The following ZFPM1 variants were observed in gnomAD, a reference collection of about 807,000 sequenced individuals.
The protein encoded by ZFPM1 is zinc finger protein, FOG family member 1.
ZFPM1 carries 28 observed loss-of-function variants against 46.3 expected under a neutral mutation model. The observed-to-expected ratio is 0.60, with a 90% confidence interval of 0.45 to 0.83. ZFPM1 has a LOEUF of 0.83. Among genes scored for constraint, ZFPM1 ranks in the 40% least tolerant of loss-of-function variants. The pLI is 0.00. For synonymous variants in ZFPM1, 957 were observed against 675.9 expected, an observed-to-expected ratio of 1.42 and a Z score of -6.45; for missense variants, 1,878 against 1,432.4, an observed-to-expected ratio of 1.31 and a Z score of -5.02.
chr16:88,479,421 C>T (rs182538815), intron 1 of ZFPM1, among the ~76,000 whole-genome samples: 8 of 152,176 alleles, frequency 5.3e-5, no homozygotes, highest in Non-Finnish European at 1.2e-4. Context: ...AGACTCAACT[C>T]GGGTCAGCCT....
At chr16:88,488,350 C>T (rs368631425) in intron 2 of ZFPM1, among the ~76,000 whole-genome samples, 52 of 152,306 alleles carry the variant, frequency 3.4e-4, no homozygotes, top group African/African-American at 1.0e-3. Context: ...CACCTGGCAC[C>T]GCCCGTAGTG....
At chr16:88,503,760 C>T (rs554369502) in intron 3 of ZFPM1, among the ~76,000 whole-genome samples, 4 of 152,310 alleles carry the variant, frequency 2.6e-5, no homozygotes, top group African/African-American at 7.2e-5. Context: ...TCACATGGGG[C>T]TGGGCTCACC....
intron 4 of ZFPM1, among the ~76,000 whole-genome samples, chr16:88,524,537 A>G (rs1912163405): frequency 6.6e-6 from 1 of 152,166 alleles, no homozygotes; most frequent in Admixed American, 6.5e-5. Flanking sequence ...GACACTCAGC[A>G]TGTGCTGCCC....
intron 3 of ZFPM1, among the ~76,000 whole-genome samples, chr16:88,506,785 G>A (rs1239484399): frequency 2.6e-5 from 4 of 152,214 alleles, no homozygotes; most frequent in Non-Finnish European, 5.9e-5. Context: ...GGAGGAGGCA[G>A]GGTGGGAGCC....
At chr16:88,503,037 G>A (rs916609413) in intron 3 of ZFPM1, among the ~76,000 whole-genome samples, 1 of 152,384 alleles carries the variant, frequency 6.6e-6, no homozygotes, top group Admixed American at 6.5e-5. Context: ...GGTGGGAGGT[G>A]GCAGGGGCGC....
At position 88,533,500 on chromosome 16, in the gene ZFPM1, G is replaced by A; in HGVS notation, c.1542G>A (p.Val514=). ...GCCCCACGCCGGGCTCCAGCCCGGT[G>A]CCCGGCGAGCTGGGCCTGGCCGGGG... ...LSSPTPGSSP[V]PGELGLAGAL... The change falls in exon 10 of 10, where the codon GTG becomes GTA. Residue 514 remains valine (V), a synonymous_variant. Coordinates refer to ENST00000319555, the MANE Select transcript of ZFPM1 (RefSeq NM_153813.3). 1 of 1,403,338 alleles carries A rather than the reference G, an allele frequency of 7.1e-7. No individual in the cohort carries two copies. The highest frequency in any genetic ancestry group is 3.3e-5 in the Admixed American group (1 of 30,332). The allele number at this position is 1,403,338 out of a possible 1,614,324, so 86.9% of individuals were successfully genotyped here. A position where few individuals can be genotyped will look rare whatever the true frequency, so the allele number is the denominator to read the frequency against.
intron 3 of ZFPM1, among the ~76,000 whole-genome samples, chr16:88,499,883 C>T (rs1411483553): frequency 6.6e-6 from 1 of 152,158 alleles, no homozygotes; most frequent in African/African-American, 2.4e-5. Context: ...GGCCCCTCCT[C>T]GGCCCCATGC....
In ZFPM1 at chr16:88,471,416, G is replaced by A. The variant is rs538452205; in HGVS notation, c.41-14523G>A. 8.6e-5 allele frequency among the ~76,000 whole-genome samples: 13 copies of A among 151,014 alleles called. No homozygotes were observed. In the East Asian group the frequency reaches 2.1e-3, roughly 25 times the overall value. The stretch of plus-strand genomic sequence containing the variant: ...GCCCACAGTGGCTCCCACGCATAGT[G>A]GGGGGGCCAAGACCCCAAGATGACC... On this transcript the variant is annotated intron_variant, in intron 1 of 9. Coordinates refer to ENST00000319555, the MANE Select transcript of ZFPM1 (RefSeq NM_153813.3). The surrounding 1 kb of genome is among the most constrained non-coding windows in gnomAD (Gnocchi z 4.1).
At chr16:88,488,094 C>T (rs147187489) in intron 2 of ZFPM1, among the ~76,000 whole-genome samples, 124 of 152,302 alleles carry the variant, frequency 8.1e-4, no homozygotes, top group Admixed American at 1.4e-3. Flanking sequence ...GGAGAGAGCA[C>T]GTGTAGCACA....
chr16:88,461,233 C>CGAGGGG (rs1567525906), intron 1 of ZFPM1, among the ~76,000 whole-genome samples: 5 of 114,864 alleles, frequency 4.4e-5, no homozygotes, highest in South Asian at 2.9e-4. Context: ...TGGTGAGGAC[C>CGAGGGG]CAGGGGTGGG....
rs979245953 is a variant in ZFPM1 at position 88,493,073 on chromosome 16, C to T, written c.268+3920C>T. 1.5e-3 allele frequency among the ~76,000 whole-genome samples: 213 copies of T among 146,868 alleles called. 1 individual carries two copies. In the Middle Eastern group the frequency reaches 0.023, roughly 16 times the overall value. ...TATCCCGGGGTGCGGAGAGCTGTCC[C>T]GGGGTGCGGGGAGCTGTCCCGGGGT... On this transcript the variant is annotated intron_variant, in intron 3 of 9. Coordinates refer to ENST00000319555, the MANE Select transcript of ZFPM1 (RefSeq NM_153813.3).
Position 88,532,211 on chromosome 16 carries a change from G to A in ZFPM1, c.922G>A (p.Glu308Lys). The A allele has an allele frequency of 1.2e-6, 2 of 1,607,612 alleles. No homozygotes were observed. Among genetic ancestry groups the A allele is most frequent in the Non-Finnish European group, 1.7e-6 (2 of 1,176,240 alleles). Residue 308 changes from glutamate to lysine, a missense_variant, in exon 7 of 10, where the codon GAG becomes AAG. Coordinates refer to ENST00000319555, the MANE Select transcript of ZFPM1 (RefSeq NM_153813.3). Reference sequence around the variant, plus strand: ...GAGCTGCCCCAGCGCCAGCTCCCTGGAGATCCACATGCGCAGCCACAGCGG... The same window carrying A: ...GAGCTGCCCCAGCGCCAGCTCCCTGAAGATCCACATGCGCAGCCACAGCGG... ...RKSCPSASSL[E>K]IHMRSHSGER... is the part of the protein sequence containing the mutation.
chr16:88,488,693 C>T (rs1383468632), intron 2 of ZFPM1, among the ~76,000 whole-genome samples: 1 of 152,170 alleles, frequency 6.6e-6, no homozygotes, highest in Non-Finnish European at 1.5e-5. Flanking sequence ...TGGAGGGGCC[C>T]CCAGCTGCCA....
intron 2 of ZFPM1, among the ~76,000 whole-genome samples, chr16:88,488,369 G>T (rs1188309206): frequency 2.0e-5 from 3 of 152,252 alleles, no homozygotes; most frequent in Admixed American, 6.5e-5. Context: ...TGATAGCGTG[G>T]CGATGGGCGC....
chr16:88,462,759 T>A (rs1249901643), intron 1 of ZFPM1, among the ~76,000 whole-genome samples: 1 of 152,168 alleles, frequency 6.6e-6, no homozygotes, highest in Non-Finnish European at 1.5e-5. Flanking sequence ...AGTGGGGGTA[T>A]CGTAAGGCAC....
At chr16:88,460,888 C>G (rs1907787039) in intron 1 of ZFPM1, among the ~76,000 whole-genome samples, 1 of 139,950 alleles carries the variant, frequency 7.1e-6, no homozygotes, top group Admixed American at 7.4e-5. Flanking sequence ...AGGCTAAGGA[C>G]TGAGGGATGG....
Position 88,529,698 on chromosome 16 carries a change from G to C in ZFPM1, c.712+1460G>C, listed in dbSNP as rs532730929. ...GTCCTGGAGGGCGGCAGGTGGTCTGGCACATCCAGGCTGTGGCGAGACCAA... is the reference window on the plus strand; with the variant it reads ...GTCCTGGAGGGCGGCAGGTGGTCTGCCACATCCAGGCTGTGGCGAGACCAA... On this transcript the variant is annotated intron_variant, in intron 6 of 9. Coordinates refer to ENST00000319555, the MANE Select transcript of ZFPM1 (RefSeq NM_153813.3). 3.7e-3 allele frequency among the ~76,000 whole-genome samples: 565 copies of C among 152,302 alleles called. 12 individuals carry two copies. The highest frequency in any genetic ancestry group is 6.5e-4 in the Non-Finnish European group (44 of 68,014).
In ZFPM1 at chr16:88,534,946, C is replaced by T. The variant is rs760283489; in HGVS notation, c.2988C>T (p.Tyr996=). 12 of 1,526,154 alleles carry T rather than the reference C, an allele frequency of 7.9e-6. No individual in the cohort carries two copies. The highest frequency in any genetic ancestry group is 1.1e-5 in the Non-Finnish European group (12 of 1,133,246). The allele number at this position is 1,526,154 out of a possible 1,614,324, so 94.5% of individuals were successfully genotyped here. The part of the protein sequence containing the change: ...LSTFIAHKKY[Y]CSSHAAEHVK ...CCTTCATCGCCCACAAGAAGTATTA[C>T]TGCTCCTCGCACGCCGCCGAGCACG... Residue 996 remains tyrosine (Y), a synonymous_variant, in exon 10 of 10, where the codon TAC becomes TAT. Coordinates refer to ENST00000319555, the MANE Select transcript of ZFPM1 (RefSeq NM_153813.3).
intron 3 of ZFPM1, among the ~76,000 whole-genome samples, chr16:88,491,565 T>C (rs1909576658): frequency 6.6e-6 from 1 of 152,150 alleles, no homozygotes; most frequent in African/African-American, 2.4e-5. Context: ...AGGGTCCCTG[T>C]CCATCCCTGC....
Sources: allele counts gnomAD v4.1 joint callset (sites outside exome capture counted in the v4.1 genomes callset), GRCh38; gene constraint gnomAD v4.1.1; non-coding constraint Gnocchi (gnomAD v3.1); transcripts MANE v1.5; gene names NCBI Gene and HGNC (gene_info 2026-07-23, HGNC 2026-07-21).